SNTB2: variants seen among roughly 807,000 people sequenced by gnomAD.
SNTB2 encodes the protein beta-2-syntrophin.
In SNTB2, 34 loss-of-function variants were observed where a neutral mutation model predicts 46.2. The ratio of observed to expected loss-of-function variants is 0.74; its 90% CI spans 0.56 to 0.98. The LOEUF (loss-of-function observed/expected upper bound fraction) is 0.98, where lower values mean the gene tolerates loss of function less well. Ranked by LOEUF, SNTB2 falls within the 50% of genes least tolerant of loss-of-function variation. The pLI is 0.00. For missense variants in SNTB2, 603 were observed against 731.4 expected (o/e 0.82, Z 2.02); for synonymous variants, 290 against 312.6 (o/e 0.93, Z 0.76).
At chr16:69,217,959 T>A (rs1964364712) in intron 1 of SNTB2, among the ~76,000 whole-genome samples, 2 of 152,220 alleles carry the variant, frequency 1.3e-5, no homozygotes, top group Non-Finnish European at 2.9e-5. Flanking sequence ...CTGTTATCTA[T>A]TGTCTTTGTG....
chr16:69,229,858 A>AC (rs1261010415), intron 1 of SNTB2, among the ~76,000 whole-genome samples: 2 of 138,624 alleles, frequency 1.4e-5, no homozygotes, highest in African/African-American at 2.6e-5. Flanking sequence ...AAAAAAAAAA[A>AC]CTCACTTCAG....
intron 1 of SNTB2, among the ~76,000 whole-genome samples, chr16:69,203,049 G>A (rs558438993): frequency 2.0e-5 from 3 of 150,244 alleles, no homozygotes; most frequent in Admixed American, 6.6e-5. Context: ...ACAGAGTCTC[G>A]CTCTTGTTGC....
At chr16:69,194,934 T>C (rs937523482) in intron 1 of SNTB2, among the ~76,000 whole-genome samples, 19 of 152,162 alleles carry the variant, frequency 1.2e-4, no homozygotes, top group Non-Finnish European at 2.2e-4. Flanking sequence ...TTAGAAACAT[T>C]ATAGACAGCT....
Position 69,200,510 on chromosome 16 carries a change from A to G in SNTB2, c.580+12764A>G, listed in dbSNP as rs75141502. Among the ~76,000 whole-genome samples the G allele has an allele frequency of 4.9e-4, 75 of 152,228 alleles. No homozygotes were observed. In the East Asian group the frequency reaches 0.014, roughly 27 times the overall value. On this transcript the variant is annotated intron_variant, in intron 1 of 6. Transcript: ENST00000336278. The stretch of plus-strand genomic sequence containing the variant: ...ACAAGAAAAACAACACATTCGTGAT[A>G]CATCAAATTTAGGATATAACTGCTA...
intron 4 of SNTB2, among the ~76,000 whole-genome samples, chr16:69,275,008 C>T (rs1567412391): frequency 6.6e-6 from 1 of 151,704 alleles, no homozygotes; most frequent in East Asian, 1.9e-4. Flanking sequence ...CCCCTTCCCT[C>T]CCTTCCCTTC....
intron 1 of SNTB2, among the ~76,000 whole-genome samples, chr16:69,234,654 A>G (rs1964539493): frequency 6.6e-6 from 1 of 152,184 alleles, no homozygotes; most frequent in South Asian, 2.1e-4. Context: ...AAAGGAACAA[A>G]ACCAGAGTAC....
intron 1 of SNTB2, among the ~76,000 whole-genome samples, chr16:69,237,855 G>A (rs1278137367): frequency 2.0e-5 from 3 of 151,696 alleles, no homozygotes; most frequent in African/African-American, 4.8e-5. Context: ...CTCCTGCCTC[G>A]GCCTCCCAAA....
intron 4 of SNTB2, among the ~76,000 whole-genome samples, chr16:69,271,359 C>A (rs1964935469): frequency 6.6e-6 from 1 of 151,932 alleles, no homozygotes; most frequent in African/African-American, 2.4e-5. Flanking sequence ...AATTATGTTT[C>A]TCTTTTAAAA....
At chr16:69,278,238 C>CTGGGT (rs1257906695) in intron 4 of SNTB2, among the ~76,000 whole-genome samples, 1 of 151,970 alleles carries the variant, frequency 6.6e-6, no homozygotes, top group East Asian at 1.9e-4. Context: ...ATTGTTTGAG[C>CTGGGT]TGGGTAGGTG....
intron 4 of SNTB2, among the ~76,000 whole-genome samples, chr16:69,279,102 T>TGTGTAG (rs1965012032): frequency 6.6e-6 from 1 of 152,214 alleles, no homozygotes; most frequent in Admixed American, 6.5e-5. Context: ...ATGCACATTG[T>TGTGTAG]GTGTAGCAGA....
chr16:69,292,932 A>G (rs143902801), intron 5 of SNTB2, among the ~76,000 whole-genome samples: 3 of 152,100 alleles, frequency 2.0e-5, no homozygotes, highest in Non-Finnish European at 2.9e-5. Flanking sequence ...ACAACCCCCA[A>G]CTTAGGAATC....
intron 1 of SNTB2, among the ~76,000 whole-genome samples, chr16:69,214,349 T>C (rs149231205): frequency 0.023 from 3,462 of 151,448 alleles, 134 homozygotes; most frequent in African/African-American, 0.079. Flanking sequence ...AGTTTCACCA[T>C]GTTGGCCAGG....
intron 1 of SNTB2, among the ~76,000 whole-genome samples, chr16:69,232,745 C>A (rs562166609): frequency 1.4e-4 from 21 of 148,778 alleles, no homozygotes; most frequent in African/African-American, 5.2e-4. Flanking sequence ...TTCTTGACTT[C>A]GTGATCCGCC....
At position 69,225,504 on chromosome 16, in the gene SNTB2, GTA is replaced by G. The variant is rs764018834; in HGVS notation, c.581-20096_581-20095del. 2.6e-5 allele frequency among the ~76,000 whole-genome samples: 4 copies of G among 152,252 alleles called. No individual in the cohort carries two copies. In the East Asian group the frequency reaches 7.7e-4, roughly 29 times the overall value. Reference sequence around the variant, plus strand: ...TTGTCTAGTGGAAAAACATTAGTAAGTATTTTTATATTTTTCAGTGATTTTAT... The same window carrying G: ...TTGTCTAGTGGAAAAACATTAGTAAGTTTTTATATTTTTCAGTGATTTTAT... On this transcript the variant is annotated intron_variant, in intron 1 of 6. Coordinates refer to ENST00000336278, the MANE Select transcript of SNTB2 (RefSeq NM_006750.4).
chr16:69,286,449 T>C (rs1965102940), intron 5 of SNTB2, among the ~76,000 whole-genome samples: 2 of 152,120 alleles, frequency 1.3e-5, no homozygotes, highest in Admixed American at 6.5e-5. Context: ...TTTGGAAGGC[T>C]AAGGCTGGCG....
chr16:69,299,798 G>T, intron 6 of SNTB2, 24 bp downstream of exon 6: 1 of 1,604,570 alleles, frequency 6.2e-7, no homozygotes, highest in Non-Finnish European at 8.5e-7. Context: ...TGAAACACAT[G>T]TTTATCTAAT....
chr16:69,285,479 A>ATTTATTTG, intron 5 of SNTB2, among the ~76,000 whole-genome samples: 1 of 133,676 alleles, frequency 7.5e-6, no homozygotes, highest in South Asian at 2.4e-4. Flanking sequence ...TTATTTATTT[A>ATTTATTTG]TTTATTTATT....
Position 69,187,175 on chromosome 16 carries a change from A to G in SNTB2, c.9A>G (p.Val3=), listed in dbSNP as rs1475824288. 1 of 1,371,738 alleles carries G rather than the reference A, an allele frequency of 7.3e-7. No individual in the cohort carries two copies. The highest frequency in any genetic ancestry group is 9.4e-7 in the Non-Finnish European group (1 of 1,059,844). The allele number at this position is 1,371,738 out of a possible 1,614,324, so 85.0% of individuals were successfully genotyped here. A position where few individuals can be genotyped will look rare whatever the true frequency, so the allele number is the denominator to read the frequency against. The change falls in exon 1 of 7, where the codon GTA becomes GTG. Residue 3 remains valine, a synonymous_variant. Coordinates refer to ENST00000336278, the MANE Select transcript of SNTB2 (RefSeq NM_006750.4). The part of the protein sequence containing the change: MR[V]AAATAAAGAG... Reference sequence around the variant, plus strand: ...GAGGCTGCCTGACTGGAATGAGGGTAGCTGCGGCGACTGCGGCGGCTGGAG... The same window carrying G: ...GAGGCTGCCTGACTGGAATGAGGGTGGCTGCGGCGACTGCGGCGGCTGGAG...
intron 1 of SNTB2, among the ~76,000 whole-genome samples, chr16:69,206,031 T>C (rs1261216157): frequency 1.3e-5 from 2 of 152,184 alleles, no homozygotes; most frequent in Non-Finnish European, 2.9e-5. Flanking sequence ...GGCCTTGCTC[T>C]GTCTACCCTG....
Sources: gnomAD v4.1 joint callset for allele counts (sites outside exome capture counted in the v4.1 genomes callset) on GRCh38, gnomAD v4.1.1 for gene constraint, MANE v1.5 for transcripts, NCBI Gene and HGNC (gene_info 2026-07-23, HGNC 2026-07-21) for gene names.